The following LRIF1 variants were observed in gnomAD, a reference collection of about 807,000 sequenced individuals.
The protein encoded by LRIF1 is ligand-dependent nuclear receptor-interacting factor 1.
Under a neutral mutation model 52.7 loss-of-function variants are expected in LRIF1, and 32 were observed. The ratio of observed to expected loss-of-function variants is 0.61; its 90% confidence interval spans 0.46 to 0.82. The LOEUF is 0.82. Among genes scored for constraint, LRIF1 ranks in the 40% least tolerant of loss-of-function variants. LRIF1 has a pLI of 0.00. For synonymous variants in LRIF1, 323 were observed against 317.4 expected (o/e 1.02, Z -0.19); for missense variants, 887 against 892.0 (o/e 0.99, Z 0.07).
chr1:110,913,939 C>T, the LRIF1 span, among the ~76,000 whole-genome samples: 1 of 152,150 alleles, frequency 6.6e-6, no homozygotes, highest in Non-Finnish European at 1.5e-5. Context: ...GGTACTTATA[C>T]ACTATGGAAT....
chr1:110,948,591 G>A (rs1245711204), intron 3 of LRIF1, among the ~76,000 whole-genome samples, 192 bp from the exon 4 acceptor site: 1 of 152,164 alleles, frequency 6.6e-6, no homozygotes, highest in African/African-American at 2.4e-5. Flanking sequence ...ATCATATTCA[G>A]TAAGAAGAAA....
At chr1:110,960,335 C>G (rs1213040204) in intron 1 of LRIF1, among the ~76,000 whole-genome samples, 1 of 152,104 alleles carries the variant, frequency 6.6e-6, no homozygotes, top group Non-Finnish European at 1.5e-5. Flanking sequence ...CTCCCTCACA[C>G]ACACACAGAC....
downstream of LRIF1, among the ~76,000 whole-genome samples, chr1:110,946,651 C>CTTTTTTT (rs1197301792): frequency 3.7e-5 from 3 of 80,854 alleles, no homozygotes; most frequent in African/African-American, 1.0e-4. Flanking sequence ...AGATTTGATC[C>CTTTTTTT]TTTTTTTTTT....
chr1:110,951,383 C>T lies in LRIF1; in HGVS notation c.1501G>A (p.Gly501Arg), dbSNP rs1658467436. The T allele has an allele frequency of 1.4e-5, 22 of 1,613,998 alleles. No homozygotes were observed. Among genetic ancestry groups the T allele is most frequent in the Non-Finnish European group, 1.8e-5 (21 of 1,179,998 alleles). Residue 501 changes from glycine (G) to arginine (R), a missense_variant, in exon 2 of 4, where the codon GGA (glycine) becomes AGA (arginine). Gly to Arg is a moderately radical substitution (Grantham distance 125). Transcript: ENST00000369763. ...TTCTCTATGCTCTGGAGGACACTTC[C>T]TTTTCTAGCATAAATGACGGCTGTT... ...KVTAVIYARK[G>R]SVLQSIEKIS...
intron 1 of LRIF1, among the ~76,000 whole-genome samples, chr1:110,960,498 C>A (rs1367743268): frequency 2.0e-5 from 3 of 152,164 alleles, no homozygotes; most frequent in Admixed American, 1.3e-4. Flanking sequence ...AAGATAGCTG[C>A]CAATGGCCAA....
At chr1:110,900,872 A>C in the LRIF1 span, among the ~76,000 whole-genome samples, 1 of 152,190 alleles carries the variant, frequency 6.6e-6, no homozygotes, top group Admixed American at 6.5e-5. Context: ...TTGGTCAAAA[A>C]AAGAAGCTAA....
the LRIF1 span, among the ~76,000 whole-genome samples, chr1:110,884,714 A>T: frequency 1.3e-5 from 2 of 151,332 alleles, no homozygotes; most frequent in South Asian, 2.1e-4. Flanking sequence ...ATCCTTGATA[A>T]TTTTTTCTGT....
At chr1:110,880,205 G>A in the LRIF1 span, 1 of 152,162 alleles carries the variant, frequency 6.6e-6, no homozygotes, top group African/African-American at 2.4e-5. Flanking sequence ...GGTTCCTCTA[G>A]ATGGTAGTTG....
At chr1:110,963,288 C>G (rs1301923292) in intron 1 of LRIF1, 1 of 184,518 alleles carries the variant, frequency 5.4e-6, no homozygotes, top group African/African-American at 2.3e-5. Flanking sequence ...TCTGCGTGTG[C>G]GTGAGAATCT....
chr1:110,912,066 T>G, the LRIF1 span, among the ~76,000 whole-genome samples: 16 of 152,184 alleles, frequency 1.1e-4, no homozygotes, highest in African/African-American at 3.9e-4. Flanking sequence ...TCAAACTATC[T>G]CTCTTCATAG....
the LRIF1 span, among the ~76,000 whole-genome samples, chr1:110,920,918 C>G: frequency 6.6e-6 from 1 of 152,022 alleles, no homozygotes; most frequent in Non-Finnish European, 1.5e-5. Context: ...GGAGAATTTA[C>G]GACCAGCAAA....
At chr1:110,899,119 C>G in the LRIF1 span, 1 of 1,611,992 alleles carries the variant, frequency 6.2e-7, no homozygotes, top group Non-Finnish European at 8.5e-7. Flanking sequence ...CAACTCTTTT[C>G]ACAGGTGTTG....
chr1:110,899,878 A>C, the LRIF1 span: 3 of 148,802 alleles, frequency 2.0e-5, no homozygotes, highest in Non-Finnish European at 3.0e-5. Context: ...AGATTTTGTT[A>C]ATGTACTATT....
Position 110,947,263 on chromosome 1 carries a change from G to A in LRIF1, c.*696C>T, listed in dbSNP as rs1253544365. On this transcript the variant is annotated 3_prime_UTR_variant, in exon 4 of 4. Coordinates refer to ENST00000369763, the MANE Select transcript of LRIF1 (RefSeq NM_018372.4). ...CTACTTTTTACACAATCTCAGTAAC[G>A]TATGTACATAGTCCCAAAAAAAAAA... The A allele has an allele frequency of 6.8e-6, 1 of 147,608 alleles. No homozygotes were observed. The highest frequency in any genetic ancestry group is 1.5e-5 in the Non-Finnish European group (1 of 66,570). The allele number at this position is 147,608 out of a possible 1,614,324, so 9.1% of individuals were successfully genotyped here.
chr1:110,962,061 T>TAC (rs59351644), intron 1 of LRIF1, among the ~76,000 whole-genome samples: 43,465 of 143,502 alleles, frequency 0.3, 6,405 homozygotes, highest in African/African-American at 0.37. Context: ...GAGTTAAGGG[T>TAC]ACACACACAC....
At position 110,949,929 on chromosome 1, in the gene LRIF1, G is replaced by A. The variant is rs143008579; in HGVS notation, c.1791C>T (p.Phe597=). ...TCTTTACCAAACTGCTAAAGGAATC[G>A]AAACCTTCTCCAGAGGTCAAATGGT... ...IPDHLTSGEG[F]DSFSSLVKSG... Residue 597 remains phenylalanine (F), a synonymous_variant, in exon 3 of 4, where the codon TTC becomes TTT. Transcript: ENST00000369763. 30 of 1,613,894 alleles carry A rather than the reference G, an allele frequency of 1.9e-5. No homozygotes were observed. The highest frequency in any genetic ancestry group is 3.3e-4 in the Middle Eastern group (2 of 6,084).
At chr1:110,883,345 G>A in the LRIF1 span, among the ~76,000 whole-genome samples, 41 of 151,828 alleles carry the variant, frequency 2.7e-4, no homozygotes, top group African/African-American at 9.9e-4. Context: ...TCATTAATAT[G>A]ACTAATTAAG....
At chr1:110,891,717 TTAC>T in the LRIF1 span, among the ~76,000 whole-genome samples, 1 of 152,192 alleles carries the variant, frequency 6.6e-6, no homozygotes, top group African/African-American at 2.4e-5. Flanking sequence ...GGGCTTTAGT[TTAC>T]TACTACTCGT....
At position 110,956,312 on chromosome 1, in the gene LRIF1, A is replaced by G. The variant is rs77152421; in HGVS notation, c.69-3497T>C. On this transcript the variant is annotated intron_variant, in intron 1 of 3. Coordinates refer to ENST00000369763, the MANE Select transcript of LRIF1 (RefSeq NM_018372.4). ...TCACACCAAGCACAGATAAAGAGAAAGCATACTGAGTTCATCCAGGGTTGG... is the reference window on the plus strand; with the variant it reads ...TCACACCAAGCACAGATAAAGAGAAGGCATACTGAGTTCATCCAGGGTTGG... Among the ~76,000 whole-genome samples, 731 of 152,330 alleles carry G rather than the reference A, an allele frequency of 4.8e-3. 11 individuals are homozygous for G. The highest frequency in any genetic ancestry group is 0.017 in the African/African-American group (696 of 41,570).
Sources: gnomAD v4.1 joint callset for allele counts (sites outside exome capture counted in the v4.1 genomes callset) on GRCh38, gnomAD v4.1.1 for gene constraint, MANE v1.5 for transcripts, NCBI Gene and HGNC (gene_info 2026-07-23, HGNC 2026-07-21) for gene names.